Variants in TENM4 observed in about 807,000 individuals in gnomAD.
The protein encoded by TENM4 is teneurin transmembrane protein 4, also known as teneurin-4.
Under a neutral mutation model 243.3 loss-of-function variants are expected in TENM4, and 82 were observed. That is an observed-to-expected ratio of 0.34 (90% CI 0.28 to 0.40). The LOEUF is 0.40. Among genes scored for constraint, TENM4 ranks in the 10% least tolerant of loss-of-function variants. The probability of loss-of-function intolerance (pLI) is 1.00; values close to 1 mark genes in which losing one functional copy is unlikely to be tolerated. For synonymous variants in TENM4, 1,412 were observed against 1,456.3 expected, an observed-to-expected ratio of 0.97 and a Z score of 0.69; for missense variants, 3,138 against 3,673.3, an observed-to-expected ratio of 0.85 and a Z score of 3.77.
intron 1 of TENM4, among the ~76,000 whole-genome samples, chr11:79,381,675 A>G (rs1012656459): frequency 6.6e-6 from 1 of 151,360 alleles, no homozygotes; most frequent in Non-Finnish European, 1.5e-5. Context: ...GTGATATCCG[A>G]CGTTCACTTG....
At chr11:78,746,132 G>A (rs1465406398) in intron 19 of TENM4, among the ~76,000 whole-genome samples, 1 of 152,164 alleles carries the variant, frequency 6.6e-6, no homozygotes, top group Non-Finnish European at 1.5e-5. Context: ...GGAGGGAGGA[G>A]TTTACCTTTT....
intron 1 of TENM4, among the ~76,000 whole-genome samples, chr11:79,304,285 G>A (rs1162983508): frequency 1.3e-5 from 2 of 152,228 alleles, no homozygotes; most frequent in Non-Finnish European, 2.9e-5. Context: ...AAGGCTCAGA[G>A]ATGCTTCTTG....
intron 6 of TENM4, among the ~76,000 whole-genome samples, chr11:78,969,561 A>C (rs1327637370): frequency 1.3e-5 from 2 of 152,254 alleles, no homozygotes. Context: ...TTAACAAAAT[A>C]TACTTTTTAA....
intron 6 of TENM4, among the ~76,000 whole-genome samples, chr11:78,975,422 C>T (rs1028541333): frequency 2.0e-5 from 3 of 152,014 alleles, no homozygotes; most frequent in African/African-American, 7.3e-5. Flanking sequence ...ATCTGCTGGC[C>T]AACGTGACCA....
intron 5 of TENM4, among the ~76,000 whole-genome samples, chr11:79,066,541 C>T (rs954704524): frequency 6.6e-6 from 1 of 152,200 alleles, no homozygotes; most frequent in Admixed American, 6.5e-5. Context: ...GTTAGGTAAC[C>T]ACACACATGC....
chr11:78,821,237 T>C (rs1857723381), intron 12 of TENM4, among the ~76,000 whole-genome samples: 1 of 152,242 alleles, frequency 6.6e-6, no homozygotes, highest in Non-Finnish European at 1.5e-5. Flanking sequence ...AATTATTTCT[T>C]TGGGGACAAA....
intron 1 of TENM4, among the ~76,000 whole-genome samples, chr11:79,313,363 G>A (rs530178436): frequency 1.8e-4 from 27 of 152,260 alleles, no homozygotes; most frequent in Admixed American, 3.9e-4. Context: ...CAAAACACAC[G>A]CATCAGACTC....
intron 15 of TENM4, among the ~76,000 whole-genome samples, chr11:78,802,959 G>C (rs1857311451): frequency 6.6e-6 from 1 of 151,954 alleles, no homozygotes. Flanking sequence ...CTCTACCAAT[G>C]AGTGTTTTAA....
At chr11:78,689,547 C>T (rs1023824179) in intron 28 of TENM4, among the ~76,000 whole-genome samples, 4 of 152,086 alleles carry the variant, frequency 2.6e-5, no homozygotes, top group South Asian at 2.1e-4. Context: ...AGGGTTTTCA[C>T]AATGGGGCAA....
At chr11:78,799,637 A>T (rs1857239314) in intron 15 of TENM4, among the ~76,000 whole-genome samples, 2 of 152,256 alleles carry the variant, frequency 1.3e-5, no homozygotes, top group Non-Finnish European at 2.9e-5. Flanking sequence ...TTGAAAATCT[A>T]GCCTGGTCCT....
In TENM4 at chr11:78,669,663, G is replaced by T; in HGVS notation, c.6682C>A (p.Pro2228Thr). ...DLNGNLHLLS[P>T]GNSARLTPLR... ...GGTGTGAGCCGTGCACTGTTCCCAGGGCTCAGTAAGTGCAGGTTCCCATTG... is the reference window on the plus strand; with the variant it reads ...GGTGTGAGCCGTGCACTGTTCCCAGTGCTCAGTAAGTGCAGGTTCCCATTG... The change falls in exon 32 of 34, where the codon CCT (proline) becomes ACT (threonine). Residue 2228 changes from proline to threonine, a missense_variant. Coordinates refer to ENST00000278550, the MANE Select transcript of TENM4 (RefSeq NM_001098816.3). The surrounding 1 kb of genome is among the most constrained non-coding windows in gnomAD (Gnocchi z 6.4). 6.2e-7 allele frequency: 1 copy of T among 1,614,014 alleles called. No individual in the cohort carries two copies. The highest frequency in any genetic ancestry group is 8.5e-7 in the Non-Finnish European group (1 of 1,179,902).
In TENM4 at chr11:78,708,429, G is replaced by C; in HGVS notation, c.4141C>G (p.Leu1381Val). ...GATGTGAGATCATTAGAGCCGAGCA[G>C]GGTGGAGATGATCCCATTCTGATCG... ...RIDQNGIISTLLGSNDLTSAR... is the reference protein window; with the variant it reads ...RIDQNGIISTVLGSNDLTSAR... Residue 1381 changes from leucine to valine, a missense_variant, in exon 27 of 34, where the codon CTG (leucine) becomes GTG (valine). Around this residue, in one of 2 missense-constraint regions of TENM4, gnomAD observed 2,467 missense variants for 3,059.1 expected, o/e 0.81. Transcript: ENST00000278550. The C allele has an allele frequency of 6.2e-7, 1 of 1,614,062 alleles. No homozygotes were observed. The highest frequency in any genetic ancestry group is 8.5e-7 in the Non-Finnish European group (1 of 1,179,904).
At chr11:78,813,385 G>A (rs1195618837) in intron 13 of TENM4, among the ~76,000 whole-genome samples, 2 of 152,134 alleles carry the variant, frequency 1.3e-5, no homozygotes, top group African/African-American at 4.8e-5. Context: ...TACTCTGATA[G>A]AAGCTCCCTG....
chr11:78,827,046 C>T (rs1857869253), intron 12 of TENM4, among the ~76,000 whole-genome samples: 1 of 152,166 alleles, frequency 6.6e-6, no homozygotes, highest in Non-Finnish European at 1.5e-5. Context: ...ACCATCTGTC[C>T]TATTACTCAC....
intron 4 of TENM4, among the ~76,000 whole-genome samples, chr11:79,133,441 C>A (rs1008302061): frequency 1.3e-5 from 2 of 152,064 alleles, no homozygotes; most frequent in East Asian, 3.9e-4. Flanking sequence ...GAATAGGTAC[C>A]AATCCTTTTG....
intron 6 of TENM4, among the ~76,000 whole-genome samples, chr11:78,911,467 C>G (rs150708016): frequency 6.3e-4 from 96 of 152,328 alleles, no homozygotes; most frequent in African/African-American, 2.2e-3. Flanking sequence ...TAATGGTGAG[C>G]ACAGCAGGAC....
intron 1 of TENM4, among the ~76,000 whole-genome samples, chr11:79,360,552 A>T (rs897900103): frequency 2.0e-5 from 3 of 152,198 alleles, no homozygotes; most frequent in African/African-American, 7.2e-5. Context: ...AAAATCAAGG[A>T]TATAAAATCA....
chr11:78,830,623 G>A (rs992184533), intron 12 of TENM4, among the ~76,000 whole-genome samples: 3 of 152,164 alleles, frequency 2.0e-5, no homozygotes, highest in Non-Finnish European at 4.4e-5. Flanking sequence ...GCCGCTGCTC[G>A]GGTCATCTGA....
At chr11:78,990,834 T>C (rs750884622) in intron 6 of TENM4, among the ~76,000 whole-genome samples, 44 of 152,240 alleles carry the variant, frequency 2.9e-4, no homozygotes, top group Non-Finnish European at 5.1e-4. Flanking sequence ...ATGCCGGGGA[T>C]TTTCAGTTTG....
Sources: allele counts gnomAD v4.1 joint callset (sites outside exome capture counted in the v4.1 genomes callset), GRCh38; gene constraint gnomAD v4.1.1; regional missense constraint gnomAD v4.1.1; non-coding constraint Gnocchi (gnomAD v3.1); transcripts MANE v1.5; gene names NCBI Gene and HGNC (gene_info 2026-07-23, HGNC 2026-07-21).